The following ADAMTS3 variants were observed in gnomAD, a reference collection of about 807,000 sequenced individuals.
ADAMTS3 encodes the protein ADAM metallopeptidase with thrombospondin type 1 motif 3.
A neutral mutation model predicts 129.0 loss-of-function variants in ADAMTS3; 73 were observed. That is an observed-to-expected ratio of 0.57 (90% CI 0.47 to 0.69). The LOEUF (loss-of-function observed/expected upper bound fraction) is 0.69. Ranked by LOEUF, ADAMTS3 falls within the 30% of genes least tolerant of loss-of-function variation. The probability of loss-of-function intolerance (pLI) is 0.00; values close to 1 mark genes in which losing one functional copy is unlikely to be tolerated. For synonymous variants in ADAMTS3, 477 were observed against 510.8 expected (o/e 0.93, Z 0.89); for missense variants, 1,457 against 1,514.5 (o/e 0.96, Z 0.63).
chr4:72,512,977 A>G (rs1465372032), intron 3 of ADAMTS3, among the ~76,000 whole-genome samples: 1 of 152,160 alleles, frequency 6.6e-6, no homozygotes, highest in Non-Finnish European at 1.5e-5. Flanking sequence ...TTAAAAATAC[A>G]TCTTCAAGAC....
At chr4:72,521,042 G>C (rs1165905967) in intron 3 of ADAMTS3, among the ~76,000 whole-genome samples, 2 of 151,092 alleles carry the variant, frequency 1.3e-5, no homozygotes, top group African/African-American at 4.9e-5. Flanking sequence ...CAGTCACCCA[G>C]ACTGGAGTGT....
At chr4:72,433,488 C>A (rs942296384) in intron 3 of ADAMTS3, among the ~76,000 whole-genome samples, 2 of 151,820 alleles carry the variant, frequency 1.3e-5, no homozygotes, top group African/African-American at 4.8e-5. Flanking sequence ...TTAAAGCGTT[C>A]GTTACTTTAA....
chr4:72,352,249 T>TA (rs1405928838), intron 4 of ADAMTS3, among the ~76,000 whole-genome samples: 1 of 151,992 alleles, frequency 6.6e-6, no homozygotes, highest in Admixed American at 6.6e-5. Flanking sequence ...TTGTATGTCA[T>TA]CAAAATCAAT....
At chr4:72,364,125 T>C (rs1720805379) in intron 4 of ADAMTS3, among the ~76,000 whole-genome samples, 1 of 152,038 alleles carries the variant, frequency 6.6e-6, no homozygotes, top group Admixed American at 6.6e-5. Flanking sequence ...CAGTCCATAG[T>C]GATGAATGAA....
At chr4:72,392,784 T>G (rs1303187185) in intron 4 of ADAMTS3, among the ~76,000 whole-genome samples, 1 of 152,216 alleles carries the variant, frequency 6.6e-6, no homozygotes, top group Non-Finnish European at 1.5e-5. Flanking sequence ...TCACTTTATT[T>G]TTACTCTAAG....
chr4:72,324,159 ACCT>A (rs1377305899), intron 5 of ADAMTS3, among the ~76,000 whole-genome samples: 3 of 152,190 alleles, frequency 2.0e-5, no homozygotes, highest in Non-Finnish European at 2.9e-5. Context: ...AGACACAGCA[ACCT>A]GAAAGCTGCA....
At chr4:72,494,965 G>T (rs1453794781) in intron 3 of ADAMTS3, among the ~76,000 whole-genome samples, 1 of 152,146 alleles carries the variant, frequency 6.6e-6, no homozygotes, top group African/African-American at 2.4e-5. Context: ...AAGGTTGCTG[G>T]GGTCCTCTAG....
intron 3 of ADAMTS3, among the ~76,000 whole-genome samples, chr4:72,521,502 A>T (rs1449753362): frequency 6.6e-6 from 1 of 152,226 alleles, no homozygotes; most frequent in East Asian, 1.9e-4. Context: ...TTCTAGGATT[A>T]AAAAACATAT....
chr4:72,289,657 C>A (rs1004767682), intron 20 of ADAMTS3, among the ~76,000 whole-genome samples: 1 of 152,088 alleles, frequency 6.6e-6, no homozygotes, highest in East Asian at 1.9e-4. Context: ...TGAGAGGGAC[C>A]TTTAAGAGGT....
At position 72,404,651 on chromosome 4, in the gene ADAMTS3, T is replaced by C. The variant is rs923359024; in HGVS notation, c.661+10164A>G. 5.3e-5 allele frequency among the ~76,000 whole-genome samples: 8 copies of C among 151,928 alleles called. No individual in the cohort carries two copies. In the East Asian group the frequency reaches 5.8e-4, roughly 11 times the overall value. On this transcript the variant is annotated intron_variant, in intron 4 of 21. Coordinates refer to ENST00000286657, the MANE Select transcript of ADAMTS3 (RefSeq NM_014243.3). ...GGCAACAAAAGCCAAAATAGACAAA[T>C]AGGACTACATCAAACTAAAAAGCTT...
intron 3 of ADAMTS3, among the ~76,000 whole-genome samples, chr4:72,440,510 T>C (rs999434869): frequency 3.3e-5 from 5 of 151,820 alleles, no homozygotes; most frequent in African/African-American, 1.2e-4. Flanking sequence ...ATGCATATGA[T>C]GTTCACTCAG....
chr4:72,567,250 CG>C, intron 2 of ADAMTS3, 123 bp downstream of exon 2: 1 of 946,784 alleles, frequency 1.1e-6, no homozygotes, highest in Non-Finnish European at 1.6e-6. Context: ...GAAATGTTTC[CG>C]GACTACAGAT....
rs1560554266 is a variant in ADAMTS3 at position 72,530,603 on chromosome 4, A to AT, written c.504+17874_504+17875insA. Among the ~76,000 whole-genome samples the AT allele has an allele frequency of 6.9e-5, 6 of 86,966 alleles. No individual in the cohort carries two copies. The South Asian group carries it at 2.1e-3, about 31-fold the overall frequency. The allele number at this position is 86,966 out of a possible 152,430, so 57.1% of individuals were successfully genotyped here. On this transcript the variant is annotated intron_variant, in intron 3 of 21. Transcript: ENST00000286657. ...TATATTAAATATATATTAATATTAA[A>AT]ATATATATTATATAATATATATTAT...
rs570827275 is a variant in ADAMTS3 at position 72,528,571 on chromosome 4, G to A, written c.504+19907C>T. ...CTGCTTCTCCTTCACTAGCTTGTAC[G>A]TGAAAGTAGATGAGATGGAAAATGA... On this transcript the variant is annotated intron_variant, in intron 3 of 21. Coordinates refer to ENST00000286657, the MANE Select transcript of ADAMTS3 (RefSeq NM_014243.3). 1.6e-4 allele frequency among the ~76,000 whole-genome samples: 24 copies of A among 148,878 alleles called. No individual in the cohort carries two copies. In the South Asian group the frequency reaches 4.4e-3, roughly 28 times the overall value.
chr4:72,502,878 C>T (rs1359314841), intron 3 of ADAMTS3, among the ~76,000 whole-genome samples: 1 of 152,230 alleles, frequency 6.6e-6, no homozygotes, highest in East Asian at 1.9e-4. Context: ...TAGCCCGCCA[C>T]CCACTGACAG....
At chr4:72,429,256 A>T (rs1406681687) in intron 3 of ADAMTS3, among the ~76,000 whole-genome samples, 1 of 152,128 alleles carries the variant, frequency 6.6e-6, no homozygotes, top group East Asian at 1.9e-4. Flanking sequence ...ATTCAACTAT[A>T]TGTAATAATC....
intron 3 of ADAMTS3, chr4:72,442,136 T>C (rs1718134784): frequency 6.6e-6 from 1 of 151,836 alleles, no homozygotes; most frequent in African/African-American, 2.4e-5. Context: ...CTCATGCACA[T>C]GTTTGGCACC....
intron 3 of ADAMTS3, among the ~76,000 whole-genome samples, chr4:72,519,849 T>C (rs922262155): frequency 5.9e-5 from 9 of 152,232 alleles, no homozygotes; most frequent in Non-Finnish European, 1.0e-4. Flanking sequence ...ATCAAAGTCA[T>C]TCTCCATCCA....
chr4:72,469,056 C>T (rs892422486), intron 3 of ADAMTS3, among the ~76,000 whole-genome samples: 3 of 151,962 alleles, frequency 2.0e-5, no homozygotes, highest in African/African-American at 7.3e-5. Flanking sequence ...TTAATTTAAA[C>T]TCTACTCATC....
Sources: gnomAD v4.1 joint callset for allele counts (sites outside exome capture counted in the v4.1 genomes callset) on GRCh38, gnomAD v4.1.1 for gene constraint, MANE v1.5 for transcripts, NCBI Gene and HGNC (gene_info 2026-07-23, HGNC 2026-07-21) for gene names.